TBCE: variants seen among roughly 807,000 people sequenced by gnomAD.
TBCE encodes the protein tubulin-specific chaperone E.
Under a neutral mutation model 77.0 loss-of-function variants are expected in TBCE, and 53 were observed. The ratio of observed to expected loss-of-function variants is 0.69; its 90% CI spans 0.55 to 0.87. TBCE has a LOEUF of 0.87. Among genes scored for constraint, TBCE ranks in the 40% least tolerant of loss-of-function variants. TBCE has a pLI of 0.00. For synonymous variants in TBCE, 235 were observed against 241.3 expected (o/e 0.97, Z 0.24); for missense variants, 624 against 622.4 (o/e 1.00, Z -0.03).
chr1:235,393,014 T>C (rs547231328), intron 2 of TBCE, among the ~76,000 whole-genome samples: 37 of 151,548 alleles, frequency 2.4e-4, no homozygotes, highest in Middle Eastern at 3.4e-3. Flanking sequence ...AAAAAATTAA[T>C]AAAAAAAAAT....
intron 5 of TBCE, among the ~76,000 whole-genome samples, chr1:235,426,344 A>G (rs1205054831): frequency 6.6e-6 from 1 of 152,012 alleles, no homozygotes; most frequent in Non-Finnish European, 1.5e-5. Context: ...GCTACCGGAC[A>G]CCCTCTCAAT....
chr1:235,398,003 CCTT>C (rs1303533224), intron 2 of TBCE, among the ~76,000 whole-genome samples: 3 of 152,158 alleles, frequency 2.0e-5, no homozygotes, highest in South Asian at 2.1e-4. Flanking sequence ...TGGCCTTGCT[CCTT>C]CTGTCTGCTT....
rs898419338 is a variant in TBCE, at chr1:235,439,263, G to A, written c.1270+341G>A. On this transcript the variant is annotated intron_variant, in intron 13 of 16. Transcript: ENST00000642610. Reference sequence around the variant, plus strand: ...TCCCAGCATTTTGGGAGGCTGAGGCGGGTGGATCACGAGGTCAGGAGATCG... The same window carrying A: ...TCCCAGCATTTTGGGAGGCTGAGGCAGGTGGATCACGAGGTCAGGAGATCG... 5.6e-4 allele frequency among the ~76,000 whole-genome samples: 85 copies of A among 151,296 alleles called. 1 individual carries two copies. The highest frequency in any genetic ancestry group is 5.0e-3 in the Admixed American group (76 of 15,220).
At chr1:235,407,975 T>C (rs1488333572) in intron 3 of TBCE, among the ~76,000 whole-genome samples, 1 of 152,152 alleles carries the variant, frequency 6.6e-6, no homozygotes, top group East Asian at 1.9e-4. Flanking sequence ...AGTGCTTCTG[T>C]TTCCAAGCAA....
chr1:235,428,631 C>CTTTATTCATTTA, intron 6 of TBCE, among the ~76,000 whole-genome samples: 1 of 147,484 alleles, frequency 6.8e-6, no homozygotes, highest in South Asian at 2.2e-4. Flanking sequence ...TTTAAGGACA[C>CTTTATTCATTTA]TTTATTTATT....
At chr1:235,419,248 A>C in intron 4 of TBCE, 2 of 629,166 alleles carry the variant, frequency 3.2e-6, no homozygotes, top group East Asian at 2.9e-5. Context: ...TAGAGGGAGA[A>C]TTGTGTTTGG....
chr1:235,389,458 G>C (rs1678245717), intron 2 of TBCE, among the ~76,000 whole-genome samples: 1 of 152,118 alleles, frequency 6.6e-6, no homozygotes, highest in Non-Finnish European at 1.5e-5. Context: ...CTCCCGAGTA[G>C]CTGGGACTAC....
chr1:235,427,622 A>T (rs7551086), intron 6 of TBCE, among the ~76,000 whole-genome samples: 27,922 of 152,092 alleles, frequency 0.18, 3,553 homozygotes, highest in African/African-American at 0.36. Context: ...TCATTTACAT[A>T]GTAAGATTAG....
chr1:235,410,034 A>G (rs560185583), intron 3 of TBCE, among the ~76,000 whole-genome samples: 1 of 149,022 alleles, frequency 6.7e-6, no homozygotes, highest in South Asian at 2.1e-4. Flanking sequence ...TGTCTCAAAC[A>G]AAAACAAAAA....
In TBCE at chr1:235,435,766, AG is replaced by A; in HGVS notation, c.760del (p.Val254SerfsTer4). On this transcript the variant is annotated frameshift_variant, in exon 9 of 17. Transcript: ENST00000642610. LOFTEE classifies it high-confidence loss of function. ...SERPTDVLQT[V>X]KLLDLSSNQL... Reference sequence around the variant, plus strand: ...ACAGGCCAACAGATGTTCTCCAGACAGTCAAGTTATTAGATCTTTCCTCTAA... The same window carrying A: ...ACAGGCCAACAGATGTTCTCCAGACATCAAGTTATTAGATCTTTCCTCTAA... 2 of 1,614,188 alleles carry A rather than the reference AG, an allele frequency of 1.2e-6. No individual in the cohort carries two copies.
chr1:235,416,099 G>C (rs1334098044), intron 4 of TBCE: 1 of 148,092 alleles, frequency 6.8e-6, no homozygotes, highest in African/African-American at 2.5e-5. Flanking sequence ...AACCTGGGAG[G>C]TGGACGTTGC....
intron 2 of TBCE, among the ~76,000 whole-genome samples, chr1:235,386,108 T>G (rs1352323245): frequency 1.3e-5 from 2 of 152,240 alleles, no homozygotes; most frequent in Admixed American, 6.5e-5. Context: ...AATTCTGGGT[T>G]GAAAATTCTT....
At chr1:235,437,566 C>T (rs1472109647) in intron 12 of TBCE, 92 bp downstream of exon 12, 2 of 1,466,930 alleles carry the variant, frequency 1.4e-6, no homozygotes, top group Non-Finnish European at 9.3e-7. Context: ...AATCCCAGCA[C>T]TTTGGGAGGC....
At chr1:235,389,308 T>C (rs1314381425) in intron 2 of TBCE, among the ~76,000 whole-genome samples, 3 of 152,180 alleles carry the variant, frequency 2.0e-5, no homozygotes, top group Non-Finnish European at 2.9e-5. Context: ...GAGAGGGAGC[T>C]ACTGTAAATT....
chr1:235,414,734 T>C (rs1258759329), intron 4 of TBCE, 116 bp downstream of exon 4: 1 of 1,006,790 alleles, frequency 9.9e-7, no homozygotes, highest in Non-Finnish European at 1.5e-6. Flanking sequence ...TGGTTTATGG[T>C]TCCACAGAAA....
intron 15 of TBCE, among the ~76,000 whole-genome samples, chr1:235,443,949 G>A (rs1572451990): frequency 6.6e-6 from 1 of 152,288 alleles, no homozygotes; most frequent in Middle Eastern, 3.4e-3. Context: ...CCATGATACT[G>A]TGAATTCTCA....
At chr1:235,388,848 A>G (rs1174591078) in intron 2 of TBCE, among the ~76,000 whole-genome samples, 1 of 152,258 alleles carries the variant, frequency 6.6e-6, no homozygotes, top group Non-Finnish European at 1.5e-5. Context: ...GGGCTATGGT[A>G]CAGCCTCAAC....
chr1:235,435,874 T>G (rs1365921216), intron 9 of TBCE, 34 bp downstream of exon 9: 9 of 1,558,882 alleles, frequency 5.8e-6, no homozygotes, highest in African/African-American at 1.4e-5. Flanking sequence ...TACAATAGTG[T>G]TCAGTCAATT....
Position 235,427,149 on chromosome 1 carries a change from A to G in TBCE, c.470A>G (p.Lys157Arg). The G allele has an allele frequency of 6.2e-7, 1 of 1,611,152 alleles. No homozygotes were observed. The highest frequency in any genetic ancestry group is 8.5e-7 in the Non-Finnish European group (1 of 1,177,320). The change falls in exon 6 of 17, where the codon AAG (lysine) becomes AGG (arginine). Residue 157 changes from lysine (K) to arginine (R), a missense_variant. Transcript: ENST00000642610. ...GVAEACPNIR[K>R]VDLSKNLLSS... ...TAACATGTGCTTTTAGATATCAGAA[A>G]GGTAGATTTGTCAAAAAACCTGTTG...
Sources: allele counts gnomAD v4.1 joint callset (sites outside exome capture counted in the v4.1 genomes callset), GRCh38; gene constraint gnomAD v4.1.1; transcripts MANE v1.5; gene names NCBI Gene and HGNC (gene_info 2026-07-23, HGNC 2026-07-21).